Variants in SLC25A17 observed in about 807,000 individuals in gnomAD.
The protein encoded by SLC25A17 is peroxisomal membrane protein PMP34.
A neutral mutation model predicts 38.5 loss-of-function variants in SLC25A17; 26 were observed. The ratio of observed to expected loss-of-function variants is 0.68; its 90% CI spans 0.50 to 0.94. SLC25A17 has a LOEUF of 0.94. Ranked by LOEUF, SLC25A17 falls within the 40% of genes least tolerant of loss-of-function variation. The probability of loss-of-function intolerance (pLI) is 0.00; values close to 1 mark genes in which losing one functional copy is unlikely to be tolerated. For missense variants in SLC25A17, 333 were observed against 372.7 expected (o/e 0.89, Z 0.88); for synonymous variants, 139 against 136.2 (o/e 1.02, Z -0.14).
intron 4 of SLC25A17, among the ~76,000 whole-genome samples, chr22:40,782,193 C>A (rs979777964): frequency 6.6e-6 from 1 of 151,540 alleles, no homozygotes; most frequent in Admixed American, 6.6e-5. Flanking sequence ...GCACTCCAGC[C>A]CGGGTGTCAG....
chr22:40,799,285 A>G (rs2057459816), intron 1 of SLC25A17, among the ~76,000 whole-genome samples: 1 of 151,890 alleles, frequency 6.6e-6, no homozygotes, highest in Non-Finnish European at 1.5e-5. Flanking sequence ...CCAGGTGTAT[A>G]TCACCATGTT....
At chr22:40,800,794 A>G in intron 1 of SLC25A17, among the ~76,000 whole-genome samples, 1 of 151,254 alleles carries the variant, frequency 6.6e-6, no homozygotes, top group Non-Finnish European at 1.5e-5. Context: ...TGCCTCAAAA[A>G]AAAAAAAAAA....
intron 4 of SLC25A17, among the ~76,000 whole-genome samples, chr22:40,783,673 C>T (rs1295673194): frequency 6.6e-6 from 1 of 151,876 alleles, no homozygotes; most frequent in Non-Finnish European, 1.5e-5. Flanking sequence ...ACAGCTTTAA[C>T]TTGACTTAAC....
rs146431837 is a variant in SLC25A17 at position 40,801,004 on chromosome 22, T to A, written c.55-1921A>T. On this transcript the variant is annotated intron_variant, in intron 1 of 8. Coordinates refer to ENST00000435456, the MANE Select transcript of SLC25A17 (RefSeq NM_006358.4). The stretch of plus-strand genomic sequence containing the variant: ...CTGTAATCCCAGCTACTTGGGAAGC[T>A]GAGGCAGGGGAATTGCTTGAACCAG... Among the ~76,000 whole-genome samples, 1,014 of 149,418 alleles carry A rather than the reference T, an allele frequency of 6.8e-3. 10 individuals are homozygous for A. Among genetic ancestry groups the A allele is most frequent in the African/African-American group, 0.02 (815 of 40,524 alleles).
chr22:40,816,175 G>A (rs539555222), intron 1 of SLC25A17, among the ~76,000 whole-genome samples: 7 of 147,664 alleles, frequency 4.7e-5, no homozygotes, highest in Admixed American at 1.4e-4. Flanking sequence ...TCCAGCCTGG[G>A]CAACAAGAGC....
chr22:40,793,890 C>T (rs560706661), intron 3 of SLC25A17, among the ~76,000 whole-genome samples: 26 of 152,210 alleles, frequency 1.7e-4, no homozygotes, highest in Admixed American at 1.6e-3. Flanking sequence ...GGATTACAGG[C>T]GGACTGTATT....
chr22:40,818,793 G>A (rs2057667140), intron 1 of SLC25A17, among the ~76,000 whole-genome samples: 1 of 151,882 alleles, frequency 6.6e-6, no homozygotes, highest in Non-Finnish European at 1.5e-5. Flanking sequence ...ACTTGCCCGC[G>A]GCAAGCGTGA....
chr22:40,808,332 C>A (rs531476832), intron 1 of SLC25A17, among the ~76,000 whole-genome samples: 45 of 152,286 alleles, frequency 3.0e-4, no homozygotes, highest in African/African-American at 1.1e-3. Context: ...GCAGTGGAGT[C>A]CCTTCAGCTG....
intron 8 of SLC25A17, among the ~76,000 whole-genome samples, chr22:40,773,410 CAAAAAAA>C (rs59479764): frequency 6.7e-5 from 5 of 74,338 alleles, no homozygotes; most frequent in Non-Finnish European, 1.0e-4. Flanking sequence ...ACTCTGTCTC[CAAAAAAA>C]AAAAAAAAAA....
chr22:40,781,572 C>A (rs1316677514), intron 4 of SLC25A17, among the ~76,000 whole-genome samples: 1 of 152,142 alleles, frequency 6.6e-6, no homozygotes, highest in East Asian at 1.9e-4. Flanking sequence ...AGGACAACCT[C>A]AAGTACAAAA....
rs1433932509 is a variant in SLC25A17, at chr22:40,819,202, C to G, written c.47G>C (p.Gly16Ala). ...GTAAAGACCCCGTCTCACCACGGCT[C>G]CGGCCACGGCGTGGACCAGGCTTTC... ...SYESLVHAVA[G>A]AVGSVTAMTV... The change falls in exon 1 of 9, where the codon GGA (glycine) becomes GCA (alanine). Residue 16 changes from glycine (G) to alanine (A), a missense_variant. Transcript: ENST00000435456. The G allele has an allele frequency of 6.2e-7, 1 of 1,613,634 alleles. No individual in the cohort carries two copies.
chr22:40,775,076 C>T (rs1052988678), intron 7 of SLC25A17, among the ~76,000 whole-genome samples: 2 of 152,180 alleles, frequency 1.3e-5, no homozygotes, highest in Admixed American at 6.6e-5. Flanking sequence ...ATAGCCACAA[C>T]AGTCTTCTTC....
At chr22:40,815,531 T>G (rs949124650) in intron 1 of SLC25A17, among the ~76,000 whole-genome samples, 3 of 152,196 alleles carry the variant, frequency 2.0e-5, no homozygotes, top group Admixed American at 1.3e-4. Flanking sequence ...GAGATGGCCA[T>G]GAGGCAAGAG....
At chr22:40,792,966 C>T (rs17002158) in intron 3 of SLC25A17, among the ~76,000 whole-genome samples, 1,895 of 152,054 alleles carry the variant, frequency 0.012, 37 homozygotes, top group African/African-American at 0.044. Context: ...AGACAACTTC[C>T]TCATGGCTGT....
chr22:40,801,130 TATATATATATATATATATATA>T (rs2057478960), intron 1 of SLC25A17, among the ~76,000 whole-genome samples: 1 of 19,374 alleles, frequency 5.2e-5, no homozygotes, highest in African/African-American at 2.0e-4. Context: ...ATATATTACA[TATATATATATATATATATATA>T]TATATATATA....
At position 40,777,363 on chromosome 22, in the gene SLC25A17, A is replaced by G; in HGVS notation, c.462T>C (p.His154=). Residue 154 remains histidine, a synonymous_variant, in exon 6 of 9, where the codon CAT becomes CAC. Transcript: ENST00000435456. The part of the protein sequence containing the change: ...TNYKGIIDAF[H]QIIRDEGISA... ...AGATTCCTTCATCGCGAATGATCTG[A>G]TGAAAAGCATCTAAGCAAGAAATCA... is the stretch of plus-strand genomic sequence containing the variant. 1 of 1,611,894 alleles carries G rather than the reference A, an allele frequency of 6.2e-7. No individual in the cohort carries two copies. Among genetic ancestry groups the G allele is most frequent in the Non-Finnish European group, 8.5e-7 (1 of 1,179,096 alleles).
chr22:40,798,673 A>AAAT (rs1179396858), intron 2 of SLC25A17, among the ~76,000 whole-genome samples: 2 of 150,016 alleles, frequency 1.3e-5, no homozygotes, highest in Non-Finnish European at 3.0e-5. Flanking sequence ...AAAAAAAAAA[A>AAAT]AAAAAAAAAA....
chr22:40,777,421 A>G (rs1352731969), intron 5 of SLC25A17, 48 bp from the exon 6 acceptor site: 2 of 1,574,726 alleles, frequency 1.3e-6, no homozygotes. Context: ...ACAATCCCCC[A>G]ACTAGAGAAG....
chr22:40,790,236 G>T (rs545053819), intron 4 of SLC25A17, among the ~76,000 whole-genome samples: 1 of 151,074 alleles, frequency 6.6e-6, no homozygotes, highest in South Asian at 2.1e-4. Context: ...AGCTACTCAG[G>T]TGGCTGAGGT....
Sources: gnomAD v4.1 joint callset for allele counts (sites outside exome capture counted in the v4.1 genomes callset) on GRCh38, gnomAD v4.1.1 for gene constraint, MANE v1.5 for transcripts, NCBI Gene and HGNC (gene_info 2026-07-23, HGNC 2026-07-21) for gene names.